Variants in SLCO1A2 observed in about 807,000 individuals in gnomAD.
SLCO1A2 encodes the protein OATP-1.
In SLCO1A2, 67 loss-of-function variants were observed where a neutral mutation model predicts 69.0. The observed-to-expected ratio is 0.97, with a 90% CI of 0.80 to 1.19. The LOEUF (loss-of-function observed/expected upper bound fraction) is 1.19. Ranked by LOEUF, SLCO1A2 falls within the 50% of genes most tolerant of loss-of-function variation. The pLI, the probability that SLCO1A2 is intolerant of heterozygous loss-of-function variation, is 0.00. For synonymous variants in SLCO1A2, 260 were observed against 265.9 expected, an observed-to-expected ratio of 0.98 and a Z score of 0.22; for missense variants, 787 against 793.7, an observed-to-expected ratio of 0.99 and a Z score of 0.10.
chr12:21,351,270 T>A (rs1937929773), intron 2 of SLCO1A2, among the ~76,000 whole-genome samples: 1 of 152,200 alleles, frequency 6.6e-6, no homozygotes, highest in African/African-American at 2.4e-5. Context: ...AGTTCAATGT[T>A]TGCTTGGAAT....
chr12:21,385,176 T>A (rs1238459534), intron 1 of SLCO1A2, among the ~76,000 whole-genome samples: 1 of 152,156 alleles, frequency 6.6e-6, no homozygotes, highest in Non-Finnish European at 1.5e-5. Flanking sequence ...TTAGTATAAG[T>A]TTACGTGAAA....
At chr12:21,362,357 T>C (rs1938975225) in intron 2 of SLCO1A2, among the ~76,000 whole-genome samples, 1 of 152,146 alleles carries the variant, frequency 6.6e-6, no homozygotes, top group Non-Finnish European at 1.5e-5. Flanking sequence ...GCTGAGAGAT[T>C]TTGTCACCAC....
intron 1 of SLCO1A2, among the ~76,000 whole-genome samples, chr12:21,415,379 TA>T (rs947754609): frequency 2.0e-5 from 3 of 152,142 alleles, no homozygotes; most frequent in Non-Finnish European, 2.9e-5. Context: ...TTTATTCTTT[TA>T]ATCGTCTTTA....
At chr12:21,393,906 G>C (rs751843729) in intron 1 of SLCO1A2, among the ~76,000 whole-genome samples, 1 of 152,126 alleles carries the variant, frequency 6.6e-6, no homozygotes, top group Admixed American at 6.5e-5. Context: ...AAATAACCAA[G>C]CGACATTACT....
chr12:21,403,736 G>A, intron 1 of SLCO1A2: 1 of 81,328 alleles, frequency 1.2e-5, no homozygotes, highest in East Asian at 4.0e-4. Context: ...TTTTTTTTTG[G>A]TGGTTGTTTT....
chr12:21,401,386 A>C (rs148229240), intron 1 of SLCO1A2, among the ~76,000 whole-genome samples: 1,537 of 151,956 alleles, frequency 0.01, 11 homozygotes, highest in Non-Finnish European at 0.017. Flanking sequence ...GTACCCCAGA[A>C]AACTTTAACA....
chr12:21,345,983 G>C (rs1326499394), intron 2 of SLCO1A2, among the ~76,000 whole-genome samples: 1 of 151,670 alleles, frequency 6.6e-6, no homozygotes, highest in African/African-American at 2.4e-5. Flanking sequence ...TGTTAATAAA[G>C]AGCATGTTCC....
chr12:21,364,521 C>T (rs1444461338), intron 2 of SLCO1A2, among the ~76,000 whole-genome samples: 1 of 152,130 alleles, frequency 6.6e-6, no homozygotes, highest in Non-Finnish European at 1.5e-5. Context: ...CACTCCTATT[C>T]AACATAGTGT....
At chr12:21,363,555 C>A (rs553205565) in intron 2 of SLCO1A2, among the ~76,000 whole-genome samples, 2 of 152,074 alleles carry the variant, frequency 1.3e-5, no homozygotes, top group Non-Finnish European at 2.9e-5. Flanking sequence ...CAGAGCAGAA[C>A]TGAAGTAGAT....
At chr12:21,338,533 A>T (rs1252863315), upstream of SLCO1A2, among the ~76,000 whole-genome samples, 1 of 151,814 alleles carries the variant, frequency 6.6e-6, no homozygotes, top group Non-Finnish European at 1.5e-5. Context: ...CCATCTGTCC[A>T]AGCTATATTC....
rs187341772 is a variant in SLCO1A2 at position 21,274,040 on chromosome 12, G to A, written c.1793+429C>T. On this transcript the variant is annotated intron_variant, in intron 14 of 14. Coordinates refer to ENST00000683939, the MANE Select transcript of SLCO1A2 (RefSeq NM_001386879.1). Reference sequence around the variant, plus strand: ...AGATTGTTTCAGCAAAATGTAAAGAGGGAGAAAATATATGATTTTGGAGAC... The same window carrying A: ...AGATTGTTTCAGCAAAATGTAAAGAAGGAGAAAATATATGATTTTGGAGAC... The A allele has an allele frequency of 3.8e-4, 58 of 152,836 alleles. No individual in the cohort carries two copies. In the East Asian group the frequency reaches 1.0e-2, roughly 26 times the overall value. The allele number at this position is 152,836 out of a possible 1,614,324, so 9.5% of individuals were successfully genotyped here. A position where few individuals can be genotyped will look rare whatever the true frequency, so the allele number is the denominator to read the frequency against.
At position 21,381,401 on chromosome 12, in the gene SLCO1A2, C is replaced by G. The variant is rs563274277; in HGVS notation, c.-189-6876G>C. ...TAAAAAAAGATATACAAATGGCCAACAAACATGAAAAAAATGCGCAACATC... is the reference window on the plus strand; with the variant it reads ...TAAAAAAAGATATACAAATGGCCAAGAAACATGAAAAAAATGCGCAACATC... On this transcript the variant is annotated intron_variant, in intron 1 of 15. Transcript: ENST00000307378. Among the ~76,000 whole-genome samples, 9 of 152,116 alleles carry G rather than the reference C, an allele frequency of 5.9e-5. 1 individual carries two copies. Among genetic ancestry groups the G allele is most frequent in the Admixed American group, 3.9e-4 (6 of 15,272 alleles).
chr12:21,292,341 CA>C lies in SLCO1A2; in HGVS notation c.1438-6del. 1.2e-6 allele frequency: 2 copies of C among 1,600,088 alleles called. No homozygotes were observed. The highest frequency in any genetic ancestry group is 1.7e-6 in the Non-Finnish European group (2 of 1,173,964). On this transcript the variant is annotated splice_polypyrimidine_tract_variant and splice_region_variant and intron_variant, in intron 11 of 14. Transcript: ENST00000683939. The stretch of plus-strand genomic sequence containing the variant: ...ACAGCTGCAATTTTGGAACACCTGC[CA>C]AAAAATAACATATTATACTAAGAAG...
intron 6 of SLCO1A2, among the ~76,000 whole-genome samples, chr12:21,303,800 C>T (rs919882474): frequency 2.0e-5 from 3 of 151,972 alleles, no homozygotes; most frequent in African/African-American, 7.3e-5. Context: ...ATGAAGAAGC[C>T]TGACTATATG....
At chr12:21,419,509 G>A (rs1284859973), upstream of SLCO1A2, 1 of 153,236 alleles carries the variant, frequency 6.5e-6, no homozygotes, top group Non-Finnish European at 1.5e-5. Flanking sequence ...CTGCTTTTCT[G>A]ACGGGCTTAA....
At chr12:21,343,430 A>G (rs1409450517) in intron 2 of SLCO1A2, among the ~76,000 whole-genome samples, 2 of 152,062 alleles carry the variant, frequency 1.3e-5, no homozygotes. Context: ...TCATGTACAA[A>G]ATTGGCCCCT....
chr12:21,312,846 G>T (rs1386793625), intron 4 of SLCO1A2, among the ~76,000 whole-genome samples: 1 of 152,108 alleles, frequency 6.6e-6, no homozygotes, highest in Non-Finnish European at 1.5e-5. Flanking sequence ...GTCTGAGGCA[G>T]GCGCATTGCT....
chr12:21,346,650 C>G (rs1381273457), intron 2 of SLCO1A2, among the ~76,000 whole-genome samples: 1 of 152,184 alleles, frequency 6.6e-6, no homozygotes, highest in African/African-American at 2.4e-5. Flanking sequence ...AAGTAATTTT[C>G]CTTTGATTGG....
chr12:21,400,007 A>G (rs12316306), upstream of SLCO1A2, among the ~76,000 whole-genome samples: 8,034 of 151,934 alleles, frequency 0.053, 266 homozygotes, highest in African/African-American at 0.074. Context: ...AATGGCAACA[A>G]AAGACAAAAT....
Sources: gnomAD v4.1 joint callset for allele counts (sites outside exome capture counted in the v4.1 genomes callset) on GRCh38, gnomAD v4.1.1 for gene constraint, MANE v1.5 for transcripts, NCBI Gene and HGNC (gene_info 2026-07-23, HGNC 2026-07-21) for gene names.